Variants in PTPRN2 observed in about 807,000 individuals in gnomAD.
PTPRN2 encodes the protein protein tyrosine phosphatase receptor type N2, also known as receptor-type tyrosine-protein phosphatase N2.
PTPRN2 carries 74 observed loss-of-function variants against 118.8 expected under a neutral mutation model. That is an observed-to-expected ratio of 0.62 (90% CI 0.52 to 0.76). The LOEUF is 0.76. PTPRN2 is among the 30% of genes least tolerant of loss of function. PTPRN2 has a pLI of 0.00. For missense variants in PTPRN2, 1,481 were observed against 1,394.4 expected (o/e 1.06, Z -0.99); for synonymous variants, 641 against 608.0 (o/e 1.05, Z -0.80).
At chr7:157,765,716 C>T (rs1316617327) in intron 12 of PTPRN2, among the ~76,000 whole-genome samples, 1 of 150,154 alleles carries the variant, frequency 6.7e-6, no homozygotes, top group East Asian at 2.0e-4. Context: ...ATCATCCATT[C>T]TTCATCCATT....
intron 11 of PTPRN2, among the ~76,000 whole-genome samples, chr7:158,018,958 T>C: frequency 7.9e-6 from 1 of 126,724 alleles, no homozygotes; most frequent in Non-Finnish European, 1.6e-5. Context: ...GAGACTTTGT[T>C]TCAAAAACAA....
At chr7:158,527,966 G>A (rs1285850800) in intron 1 of PTPRN2, among the ~76,000 whole-genome samples, 1 of 152,092 alleles carries the variant, frequency 6.6e-6, no homozygotes, top group Admixed American at 6.6e-5. Context: ...TTGGTTTAAA[G>A]CCCATCTCTG....
rs117601336 is a variant in PTPRN2 at position 158,389,136 on chromosome 7, C to G, written c.164-72204G>C. On this transcript the variant is annotated intron_variant, in intron 2 of 22. Coordinates refer to ENST00000389418, the MANE Select transcript of PTPRN2 (RefSeq NM_002847.5). Reference sequence around the variant, plus strand: ...GAGAAGCTGAAGGGAAACAGGCGTCCGAAGGGCCACACCTGGGCCCTGAAG... The same window carrying G: ...GAGAAGCTGAAGGGAAACAGGCGTCGGAAGGGCCACACCTGGGCCCTGAAG... Among the ~76,000 whole-genome samples the G allele has an allele frequency of 6.2e-3, 937 of 152,330 alleles. 8 individuals are homozygous for G. The highest frequency in any genetic ancestry group is 0.014 in the Middle Eastern group (4 of 294).
intron 5 of PTPRN2, among the ~76,000 whole-genome samples, chr7:158,190,032 G>A (rs575623111): frequency 4.6e-5 from 7 of 152,318 alleles, no homozygotes; most frequent in East Asian, 1.9e-4. Flanking sequence ...CATCAGAGTC[G>A]GAGACCTCCA....
At chr7:157,745,041 G>T (rs997028092) in intron 12 of PTPRN2, among the ~76,000 whole-genome samples, 1 of 152,186 alleles carries the variant, frequency 6.6e-6, no homozygotes, top group Admixed American at 6.5e-5. Context: ...TCTGAGAGGC[G>T]CCTCTGAGTC....
At chr7:157,853,397 C>T (rs1434754824) in intron 12 of PTPRN2, among the ~76,000 whole-genome samples, 2 of 152,180 alleles carry the variant, frequency 1.3e-5, no homozygotes, top group Non-Finnish European at 2.9e-5. Flanking sequence ...CATCCCGCAC[C>T]GTGCCCACTT....
At chr7:157,992,428 G>C (rs1328229308) in intron 11 of PTPRN2, among the ~76,000 whole-genome samples, 1 of 152,220 alleles carries the variant, frequency 6.6e-6, no homozygotes, top group Non-Finnish European at 1.5e-5. Flanking sequence ...CTGGCAGGTT[G>C]GGGGACCGGC....
intron 3 of PTPRN2, among the ~76,000 whole-genome samples, chr7:158,213,206 TTGTGTGTGTGTGTG>T (rs57665784): frequency 1.6e-4 from 22 of 140,428 alleles, no homozygotes; most frequent in East Asian, 1.5e-3. Context: ...GGCTCTGTGC[TTGTGTGTGTGTGTG>T]TGTGTGTGTG....
At chr7:158,510,980 C>T (rs1823137698) in intron 1 of PTPRN2, among the ~76,000 whole-genome samples, 1 of 152,244 alleles carries the variant, frequency 6.6e-6, no homozygotes, top group Non-Finnish European at 1.5e-5. Flanking sequence ...TGTGAGGTCA[C>T]ATGGGGTTGG....
intron 3 of PTPRN2, among the ~76,000 whole-genome samples, chr7:158,305,792 C>CAAAAAA (rs113374723): frequency 1.7e-5 from 2 of 116,228 alleles, no homozygotes; most frequent in African/African-American, 6.0e-5. Flanking sequence ...GCAATTTACT[C>CAAAAAA]AAAAAAAAAA....
intron 2 of PTPRN2, among the ~76,000 whole-genome samples, chr7:158,336,682 C>G (rs1359301907): frequency 4.8e-5 from 6 of 123,872 alleles, no homozygotes; most frequent in Admixed American, 1.6e-4. Flanking sequence ...ACCATAAGAG[C>G]TGACGCCCGC....
intron 5 of PTPRN2, among the ~76,000 whole-genome samples, chr7:158,190,370 A>G (rs967634233): frequency 6.6e-6 from 1 of 152,228 alleles, no homozygotes; most frequent in African/African-American, 2.4e-5. Context: ...TCAGTTAATG[A>G]ATAAAAACTT....
At chr7:158,428,525 C>T (rs904846619) in intron 2 of PTPRN2, among the ~76,000 whole-genome samples, 1 of 152,228 alleles carries the variant, frequency 6.6e-6, no homozygotes. Flanking sequence ...AGTATTGGGA[C>T]ACTTTTACAG....
intron 12 of PTPRN2, among the ~76,000 whole-genome samples, chr7:157,689,445 G>A (rs974260092): frequency 2.0e-5 from 3 of 152,326 alleles, no homozygotes; most frequent in Admixed American, 6.5e-5. Context: ...GGGCTGTGGC[G>A]GGGCCCCTCT....
At chr7:158,389,645 A>G (rs985032242) in intron 2 of PTPRN2, among the ~76,000 whole-genome samples, 3 of 152,258 alleles carry the variant, frequency 2.0e-5, no homozygotes, top group African/African-American at 4.8e-5. Context: ...CGCCGTCACA[A>G]ATGCAATTCT....
chr7:158,499,527 C>T (rs998293043), intron 1 of PTPRN2, among the ~76,000 whole-genome samples: 2 of 152,194 alleles, frequency 1.3e-5, no homozygotes, highest in Admixed American at 6.5e-5. Flanking sequence ...CAGTGGCTCA[C>T]GTCTATAATC....
intron 11 of PTPRN2, among the ~76,000 whole-genome samples, chr7:157,962,958 C>T (rs1230133542): frequency 1.3e-5 from 2 of 152,230 alleles, no homozygotes; most frequent in African/African-American, 4.8e-5. Context: ...GGGATGCTGG[C>T]AGGTCATTGA....
chr7:157,578,155 G>A lies in PTPRN2; in HGVS notation c.2497-15C>T. 1.3e-6 allele frequency: 2 copies of A among 1,598,298 alleles called. No individual in the cohort carries two copies. Among genetic ancestry groups the A allele is most frequent in the Non-Finnish European group, 1.7e-6 (2 of 1,169,838 alleles). ...TCCCACACCATCTGCGGACAAAGAA[G>A]GCCCGTGGCCGCGGTGTGACTGTCT... is the stretch of plus-strand genomic sequence containing the variant. On this transcript the variant is annotated splice_polypyrimidine_tract_variant and intron_variant, in intron 17 of 22. Coordinates refer to ENST00000389418, the MANE Select transcript of PTPRN2 (RefSeq NM_002847.5).
chr7:158,270,786 CCTCCA>C (rs1563067302), intron 3 of PTPRN2, among the ~76,000 whole-genome samples: 7 of 122,778 alleles, frequency 5.7e-5, no homozygotes, highest in African/African-American at 1.0e-4. Flanking sequence ...CTGGACCACC[CCTCCA>C]CCTGGACCAC....
Sources: gnomAD v4.1 joint callset for allele counts (sites outside exome capture counted in the v4.1 genomes callset) on GRCh38, gnomAD v4.1.1 for gene constraint, MANE v1.5 for transcripts, NCBI Gene and HGNC (gene_info 2026-07-23, HGNC 2026-07-21) for gene names.